Variants in CACNA1C observed in about 807,000 individuals in gnomAD.
CACNA1C encodes voltage-dependent L-type calcium channel subunit alpha-1C.
CACNA1C carries 30 observed loss-of-function variants against 229.0 expected under a neutral mutation model. That is an observed-to-expected ratio of 0.13 (90% CI 0.10 to 0.18). The LOEUF is 0.18. Ranked by LOEUF, CACNA1C falls within the 10% of genes least tolerant of loss-of-function variation. The probability of loss-of-function intolerance (pLI) is 1.00; values close to 1 mark genes in which losing one functional copy is unlikely to be tolerated. For synonymous variants in CACNA1C, 1,114 were observed against 1,132.5 expected, an observed-to-expected ratio of 0.98 and a Z score of 0.33; for missense variants, 1,658 against 2,845.0, an observed-to-expected ratio of 0.58 and a Z score of 9.49.
intron 9 of CACNA1C, among the ~76,000 whole-genome samples, chr12:2,537,426 G>T (rs1260659326): frequency 6.6e-6 from 1 of 152,182 alleles, no homozygotes; most frequent in African/African-American, 2.4e-5. Flanking sequence ...TGGAAGAGTA[G>T]CTGGCATATA....
At chr12:2,292,702 T>G (rs1221705279) in intron 3 of CACNA1C, among the ~76,000 whole-genome samples, 1 of 152,140 alleles carries the variant, frequency 6.6e-6, no homozygotes, top group East Asian at 1.9e-4. Flanking sequence ...ACTGAGTGTG[T>G]CTAAGGAAAG....
intron 3 of CACNA1C, among the ~76,000 whole-genome samples, chr12:2,259,145 T>A (rs1196340090): frequency 6.6e-6 from 1 of 152,198 alleles, no homozygotes; most frequent in Non-Finnish European, 1.5e-5. Flanking sequence ...GCAGTGGTTC[T>A]CAGAATATGG....
At chr12:2,648,903 A>T (rs2094620214) in intron 31 of CACNA1C, among the ~76,000 whole-genome samples, 1 of 152,188 alleles carries the variant, frequency 6.6e-6, no homozygotes, top group African/African-American at 2.4e-5. Context: ...GCTCCAGGGT[A>T]AGGAGGGAAG....
At chr12:2,492,778 C>T (rs1322480094) in intron 6 of CACNA1C, among the ~76,000 whole-genome samples, 1 of 152,198 alleles carries the variant, frequency 6.6e-6, no homozygotes, top group African/African-American at 2.4e-5. Context: ...CTATAGAACT[C>T]TACCACCAGA....
intron 13 of CACNA1C, among the ~76,000 whole-genome samples, chr12:2,572,924 C>T (rs550232955): frequency 1.2e-4 from 17 of 140,938 alleles, no homozygotes; most frequent in Admixed American, 2.1e-4. Flanking sequence ...TCCTCTTCCT[C>T]CTCCTCCTCT....
chr12:2,592,930 G>T (rs1222202743), intron 18 of CACNA1C, among the ~76,000 whole-genome samples: 1 of 151,960 alleles, frequency 6.6e-6, no homozygotes, highest in Non-Finnish European at 1.5e-5. Flanking sequence ...ACCCCAGTTT[G>T]CCCAGAACTA....
Position 2,354,033 on chromosome 12 carries a change from T to C in CACNA1C, c.478-94943T>C, listed in dbSNP as rs2097283188. Among the ~76,000 whole-genome samples the C allele has an allele frequency of 6.6e-6, 1 of 152,152 alleles. No individual in the cohort carries two copies. The highest frequency in any genetic ancestry group is 2.4e-5 in the African/African-American group (1 of 41,430). On this transcript the variant is annotated intron_variant, in intron 3 of 46. Coordinates refer to ENST00000399655, the MANE Select transcript of CACNA1C (RefSeq NM_000719.7). This position sits in a 1 kb window ranked among gnomAD's most constrained non-coding sequence, Gnocchi z 4.6. The stretch of plus-strand genomic sequence containing the variant: ...AGAGGAAGGAGAATCTGGAGACAAA[T>C]GCCTGCCCAGCGACCACTGCAGGGT...
chr12:2,390,381 G>A (rs967057695), intron 3 of CACNA1C, among the ~76,000 whole-genome samples: 2 of 152,192 alleles, frequency 1.3e-5, no homozygotes, highest in South Asian at 4.1e-4. Context: ...ACTCTTTTTT[G>A]GCTAGTGCTT....
intron 3 of CACNA1C, among the ~76,000 whole-genome samples, chr12:2,144,070 TG>T (rs1476076443): frequency 6.6e-6 from 1 of 151,422 alleles, no homozygotes; most frequent in East Asian, 1.9e-4. Flanking sequence ...CTGTTGCTTG[TG>T]GTCAGCACCA....
At chr12:2,315,610 C>T (rs1433789699) in intron 3 of CACNA1C, among the ~76,000 whole-genome samples, 1 of 152,164 alleles carries the variant, frequency 6.6e-6, no homozygotes, top group Admixed American at 6.5e-5. Context: ...CAGAGTCCCG[C>T]AAGCTGTGAG....
chr12:2,069,345 G>A (rs944950988), intron 1 of CACNA1C, among the ~76,000 whole-genome samples: 2 of 152,178 alleles, frequency 1.3e-5, no homozygotes, highest in Non-Finnish European at 2.9e-5. Flanking sequence ...AACCAAAGAC[G>A]GAGCCTTATG....
intron 1 of CACNA1C, among the ~76,000 whole-genome samples, chr12:2,001,059 A>C (rs2042093818): frequency 6.6e-6 from 1 of 151,676 alleles, no homozygotes; most frequent in South Asian, 2.1e-4. Context: ...AAAAAGAGAG[A>C]TAATCAGCTT....
chr12:2,446,897 G>A (rs1162795244), intron 3 of CACNA1C, among the ~76,000 whole-genome samples: 2 of 152,134 alleles, frequency 1.3e-5, no homozygotes, highest in East Asian at 3.8e-4. Context: ...GGCAGGTGAT[G>A]GTGAATGGAA....
chr12:2,635,423 ATGT>A (rs1260566275), intron 30 of CACNA1C, among the ~76,000 whole-genome samples: 7 of 152,136 alleles, frequency 4.6e-5, no homozygotes, highest in African/African-American at 1.7e-4. Flanking sequence ...AGACTTGGTA[ATGT>A]TTGCATAGAC....
chr12:2,131,696 T>C (rs912468436), intron 3 of CACNA1C, among the ~76,000 whole-genome samples: 2 of 148,196 alleles, frequency 1.3e-5, no homozygotes, highest in Non-Finnish European at 3.0e-5. Context: ...CATGCTGTTT[T>C]GGTTACTGTA....
At chr12:2,281,059 C>G (rs2091065426) in intron 3 of CACNA1C, among the ~76,000 whole-genome samples, 1 of 151,884 alleles carries the variant, frequency 6.6e-6, no homozygotes, top group African/African-American at 2.4e-5. Context: ...TGTGCTGCAC[C>G]CAGTAACTCG....
chr12:2,027,616 G>C (rs2047556923), intron 1 of CACNA1C, among the ~76,000 whole-genome samples: 1 of 152,178 alleles, frequency 6.6e-6, no homozygotes, highest in African/African-American at 2.4e-5. Flanking sequence ...AGTGAGAGGA[G>C]AGAATGGAAT....
chr12:2,277,038 A>C (rs2088574379), intron 3 of CACNA1C, among the ~76,000 whole-genome samples: 1 of 152,178 alleles, frequency 6.6e-6, no homozygotes, highest in South Asian at 2.1e-4. Flanking sequence ...AGATGATGGC[A>C]TTGAGCTTTC....
chr12:2,025,327 G>A (rs1240780088), intron 1 of CACNA1C, among the ~76,000 whole-genome samples: 1 of 152,124 alleles, frequency 6.6e-6, no homozygotes, highest in African/African-American at 2.4e-5. Context: ...AGCACAGCTG[G>A]GGCAGTGCTG....
Sources: gnomAD v4.1 joint callset for allele counts (sites outside exome capture counted in the v4.1 genomes callset) on GRCh38, gnomAD v4.1.1 for gene constraint, Gnocchi (gnomAD v3.1) non-coding constraint, MANE v1.5 for transcripts, NCBI Gene and HGNC (gene_info 2026-07-23, HGNC 2026-07-21) for gene names.